Variants in ABCB10 observed in about 807,000 individuals in gnomAD.
ABCB10 encodes the protein ATP binding cassette subfamily B member 10.
Under a neutral mutation model 65.4 loss-of-function variants are expected in ABCB10, and 54 were observed. The ratio of observed to expected loss-of-function variants is 0.83; its 90% CI spans 0.66 to 1.04. The LOEUF (loss-of-function observed/expected upper bound fraction) is 1.04. ABCB10 is among the 50% of genes least tolerant of loss of function. The pLI is 0.00. For synonymous variants in ABCB10, 418 were observed against 406.5 expected (o/e 1.03, Z -0.34); for missense variants, 846 against 976.6 (o/e 0.87, Z 1.78).
chr1:229,534,723 T>C (rs1188747397), intron 6 of ABCB10, among the ~76,000 whole-genome samples: 1 of 151,122 alleles, frequency 6.6e-6, no homozygotes, highest in Non-Finnish European at 1.5e-5. Context: ...ACAAAAAAAA[T>C]AGCTGGACGC....
At chr1:229,520,980 C>A (rs1034715415) in intron 11 of ABCB10, among the ~76,000 whole-genome samples, 11 of 151,978 alleles carry the variant, frequency 7.2e-5, no homozygotes, top group South Asian at 6.2e-4. Flanking sequence ...TTGTGTGCAA[C>A]CAACTCCGCA....
Position 229,539,488 on chromosome 1 carries a change from A to G in ABCB10, c.1307T>C (p.Met436Thr). 1 of 1,614,000 alleles carries G rather than the reference A, an allele frequency of 6.2e-7. No individual in the cohort carries two copies. Among genetic ancestry groups the G allele is most frequent in the East Asian group, 2.2e-5 (1 of 44,890 alleles). Residue 436 changes from methionine to threonine, a missense_variant, in exon 6 of 13, where the codon ATG (methionine) becomes ACG (threonine). Transcript: ENST00000344517. ...GCTTATTCCAACCCAGAAAGCATAC[A>G]TTAGGAAGGAAGAGAGTTCACCCAC... ...MTVGELSSFL[M>T]YAFWVGISIG...
rs1373246057 is a variant in ABCB10 at position 229,558,426 on chromosome 1, C to T, written c.227G>A (p.Gly76Asp). The T allele has an allele frequency of 2.5e-6, 3 of 1,206,124 alleles. No individual in the cohort carries two copies. The highest frequency in any genetic ancestry group is 2.1e-6 in the Non-Finnish European group (2 of 974,574). 74.7% of individuals were successfully genotyped at this position (1,206,124 alleles called of 1,614,324 possible). A position where few individuals can be genotyped will look rare whatever the true frequency, so the allele number is the denominator to read the frequency against. The change falls in exon 1 of 13, where the codon GGT becomes GAT. Residue 76 changes from glycine (G) to aspartate (D), a missense_variant. By Grantham distance (94) the Gly-to-Asp change is moderately conservative. This residue lies in a region of ABCB10 where 214 missense variants were observed against 173.5 expected (regional missense o/e 1.23). Transcript: ENST00000344517. ...CAGGACGCCCCGCGAGGCGCCCGGACCCCCGCCCCGGCAGCCGCTCCTCCA... is the reference window on the plus strand; with the variant it reads ...CAGGACGCCCCGCGAGGCGCCCGGATCCCCGCCCCGGCAGCCGCTCCTCCA... ...RRWRSGCRGG[G>D]PGASRGVLGL...
chr1:229,540,950 G>A (rs1027671101), intron 4 of ABCB10, among the ~76,000 whole-genome samples, 198 bp from the exon 5 acceptor site: 3 of 152,176 alleles, frequency 2.0e-5, no homozygotes, highest in Non-Finnish European at 2.9e-5. Flanking sequence ...AGTCAAAAAA[G>A]AGTGACAAAG....
In ABCB10 at chr1:229,527,306, T is replaced by A; in HGVS notation, c.1648A>T (p.Thr550Ser). Reference sequence around the variant, plus strand: ...ATGTCATGGCCATCAAGACTAATAGTTCCTTGTTGAGAGGAAAGGAAAGGA... The same window carrying A: ...ATGTCATGGCCATCAAGACTAATAGATCCTTGTTGAGAGGAAAGGAAAGGA... ...LLRLYDPASG[T>S]ISLDGHDIRQ... Residue 550 changes from threonine to serine, a missense_variant and splice_region_variant, in exon 9 of 13, where the codon ACT becomes TCT. By Grantham distance (58) the Thr-to-Ser change is moderately conservative. Coordinates refer to ENST00000344517, the MANE Select transcript of ABCB10 (RefSeq NM_012089.3). 1 of 1,513,574 alleles carries A rather than the reference T, an allele frequency of 6.6e-7. No homozygotes were observed. The highest frequency in any genetic ancestry group is 2.2e-5 in the African/African-American group (1 of 46,102). 93.8% of individuals were successfully genotyped at this position (1,513,574 alleles called of 1,614,324 possible). A position where few individuals can be genotyped will look rare whatever the true frequency, so the allele number is the denominator to read the frequency against.
chr1:229,550,501 G>A (rs562316248), intron 1 of ABCB10, among the ~76,000 whole-genome samples: 41 of 134,902 alleles, frequency 3.0e-4, no homozygotes, highest in African/African-American at 1.2e-3. Context: ...CTCCAGCCTG[G>A]GTGACACAGC....
Position 229,521,640 on chromosome 1 carries a change from C to G in ABCB10, c.1907-5G>C. 6.2e-7 allele frequency: 1 copy of G among 1,612,698 alleles called. No homozygotes were observed. On this transcript the variant is annotated splice_polypyrimidine_tract_variant and splice_region_variant and intron_variant, in intron 10 of 12. Transcript: ENST00000344517. ...CAATCCGCTGTTTCTGCCCACCTGACAAAGACAACATTTAAAAAAAGAAGG... is the reference window on the plus strand; with the variant it reads ...CAATCCGCTGTTTCTGCCCACCTGAGAAAGACAACATTTAAAAAAAGAAGG...
At chr1:229,530,160 GGA>G in intron 8 of ABCB10, 37 bp downstream of exon 8, 3 of 1,604,384 alleles carry the variant, frequency 1.9e-6, no homozygotes. Flanking sequence ...GCAGAGCTCG[GGA>G]GAGTCCCTCG....
At chr1:229,531,538 G>T (rs894254495) in intron 7 of ABCB10, 98 bp downstream of exon 7, 4 of 1,216,874 alleles carry the variant, frequency 3.3e-6, no homozygotes, top group Admixed American at 3.8e-5. Context: ...TCCTTACTGT[G>T]GCTCATCCCT....
rs1449148589 is a variant in ABCB10 at position 229,547,581 on chromosome 1, G to A, written c.839C>T (p.Ala280Val). 2.5e-6 allele frequency: 4 copies of A among 1,614,104 alleles called. No individual in the cohort carries two copies. The highest frequency in any genetic ancestry group is 3.4e-6 in the Non-Finnish European group (4 of 1,179,978). ...TTCAGTCACTGAGCGCCCCAGGAGT[G>A]CAGTGTCTGATGAGAGGCGGTTAAT... ...ELINRLSSDT[A>V]LLGRSVTENL... Residue 280 changes from alanine (A) to valine (V), a missense_variant, in exon 3 of 13, where the codon GCA (alanine) becomes GTA (valine). By Grantham distance (64) the Ala-to-Val change is moderately conservative. This residue lies in a region of ABCB10 where 632 missense variants were observed against 803.2 expected (regional missense o/e 0.79). Coordinates refer to ENST00000344517, the MANE Select transcript of ABCB10 (RefSeq NM_012089.3).
chr1:229,546,643 G>C (rs1027006426), intron 3 of ABCB10, among the ~76,000 whole-genome samples: 1 of 152,120 alleles, frequency 6.6e-6, no homozygotes, highest in Admixed American at 6.5e-5. Context: ...GGCCGAGGCA[G>C]GAGGATCACT....
At chr1:229,550,525 C>CA (rs60323914) in intron 1 of ABCB10, among the ~76,000 whole-genome samples, 11,709 of 62,632 alleles carry the variant, frequency 0.19, 702 homozygotes, top group South Asian at 0.25. Flanking sequence ...ATGCTGTCTC[C>CA]AAAAAAAAAA....
At chr1:229,542,511 G>A (rs985050312) in intron 3 of ABCB10, 140 bp from the exon 4 acceptor site, 2 of 1,041,754 alleles carry the variant, frequency 1.9e-6, no homozygotes, top group Non-Finnish European at 2.7e-6. Flanking sequence ...TGAAGGTACT[G>A]TCCCCAAGTT....
At chr1:229,544,416 CAAAAAAAAAAAA>C (rs35004821) in intron 3 of ABCB10, among the ~76,000 whole-genome samples, 3 of 60,994 alleles carry the variant, frequency 4.9e-5, no homozygotes, top group African/African-American at 7.2e-5. Context: ...GACCTTCTCT[CAAAAAAAAAAAA>C]AAAAAAAAAA....
chr1:229,526,142 A>G, intron 9 of ABCB10, 26 bp from the exon 10 acceptor site: 2 of 1,594,870 alleles, frequency 1.3e-6, no homozygotes, highest in Non-Finnish European at 1.7e-6. Context: ...AAAACATATC[A>G]CGAATTTCAA....
intron 6 of ABCB10, among the ~76,000 whole-genome samples, chr1:229,533,021 G>A (rs1335355474): frequency 6.6e-6 from 1 of 152,048 alleles, no homozygotes; most frequent in African/African-American, 2.4e-5. Context: ...TCCCTAGACT[G>A]GTCTTAAACT....
intron 1 of ABCB10, among the ~76,000 whole-genome samples, chr1:229,550,377 C>G (rs1663077344): frequency 6.6e-6 from 1 of 151,364 alleles, no homozygotes; most frequent in African/African-American, 2.4e-5. Flanking sequence ...AATACAGAAA[C>G]TAGCCAGGGT....
chr1:229,533,327 T>C (rs377024893), intron 6 of ABCB10, among the ~76,000 whole-genome samples: 9 of 152,228 alleles, frequency 5.9e-5, no homozygotes, highest in East Asian at 5.8e-4. Flanking sequence ...TTTCACCATG[T>C]TGGCCAGGCT....
intron 1 of ABCB10, among the ~76,000 whole-genome samples, chr1:229,554,574 G>A (rs1472275559): frequency 6.6e-6 from 1 of 152,028 alleles, no homozygotes; most frequent in Non-Finnish European, 1.5e-5. Flanking sequence ...CATTTTACTT[G>A]ACCCAATATA....
Sources: gnomAD v4.1 joint callset for allele counts (sites outside exome capture counted in the v4.1 genomes callset) on GRCh38, gnomAD v4.1.1 for gene constraint, gnomAD v4.1.1 regional missense constraint, MANE v1.5 for transcripts, NCBI Gene and HGNC (gene_info 2026-07-23, HGNC 2026-07-21) for gene names.